PRIM2: variants seen among roughly 807,000 people sequenced by gnomAD.
PRIM2 encodes the protein DNA primase large subunit.
Under a neutral mutation model 67.3 loss-of-function variants are expected in PRIM2, and 39 were observed. That is an observed-to-expected ratio of 0.58 (90% confidence interval 0.45 to 0.76). The LOEUF is 0.76. Among genes scored for constraint, PRIM2 ranks in the 30% least tolerant of loss-of-function variants. The pLI is 0.00. For synonymous variants in PRIM2, 143 were observed against 198.7 expected, an observed-to-expected ratio of 0.72 and a Z score of 2.36; for missense variants, 398 against 598.7, an observed-to-expected ratio of 0.66 and a Z score of 3.50.
intron 10 of PRIM2, among the ~76,000 whole-genome samples, chr6:57,587,721 A>G (rs1776219356): frequency 6.7e-6 from 1 of 149,770 alleles, no homozygotes; most frequent in Non-Finnish European, 1.5e-5. Context: ...ATCACCATGA[A>G]ATATTGCATG....
At chr6:57,571,982 T>C (rs1234742657) in intron 10 of PRIM2, among the ~76,000 whole-genome samples, 1 of 152,224 alleles carries the variant, frequency 6.6e-6, no homozygotes, top group Non-Finnish European at 1.5e-5. Context: ...ATGTGTTAAA[T>C]ACTTACCATC....
chr6:57,486,479 A>G (rs1773755659), intron 7 of PRIM2, among the ~76,000 whole-genome samples: 1 of 152,244 alleles, frequency 6.6e-6, no homozygotes, highest in Admixed American at 6.5e-5. Flanking sequence ...GGAGGCAGGA[A>G]GACCACGGAA....
chr6:57,244,685 C>T, the PRIM2 span, among the ~76,000 whole-genome samples: 36 of 151,600 alleles, frequency 2.4e-4, no homozygotes, highest in East Asian at 5.8e-3. Flanking sequence ...CGCTTGAACC[C>T]GAGTGGCAGG....
the PRIM2 span, among the ~76,000 whole-genome samples, chr6:57,233,657 C>T: frequency 2.1e-5 from 3 of 139,702 alleles, no homozygotes; most frequent in African/African-American, 5.3e-5. Flanking sequence ...CTTCCTCCCT[C>T]CCTCCCTCCC....
At chr6:57,452,248 G>A (rs1481299647) in intron 7 of PRIM2, among the ~76,000 whole-genome samples, 3 of 152,132 alleles carry the variant, frequency 2.0e-5, no homozygotes, top group East Asian at 1.9e-4. Flanking sequence ...AAACATATGT[G>A]TGCATGTGTC....
intron 5 of PRIM2, among the ~76,000 whole-genome samples, chr6:57,371,077 A>G (rs1440936056): frequency 2.0e-5 from 3 of 150,666 alleles, no homozygotes; most frequent in Non-Finnish European, 4.4e-5. Flanking sequence ...GATTTCAATG[A>G]GAAGAAATAT....
intron 5 of PRIM2, among the ~76,000 whole-genome samples, chr6:57,336,273 G>A (rs915378615): frequency 6.6e-6 from 1 of 152,080 alleles, no homozygotes; most frequent in Non-Finnish European, 1.5e-5. Context: ...GAACCAAGTT[G>A]GAAAACACTC....
At chr6:57,583,282 C>G (rs1279013800) in intron 10 of PRIM2, among the ~76,000 whole-genome samples, 1 of 147,358 alleles carries the variant, frequency 6.8e-6, no homozygotes, top group East Asian at 2.1e-4. Flanking sequence ...CACCCACTAA[C>G]TCGTCATCTA....
At chr6:57,504,548 C>A (rs1774214972) in intron 7 of PRIM2, among the ~76,000 whole-genome samples, 1 of 152,138 alleles carries the variant, frequency 6.6e-6, no homozygotes, top group Non-Finnish European at 1.5e-5. Flanking sequence ...GAGAAATAGG[C>A]TATAAGTTAT....
At chr6:57,272,317 G>C in the PRIM2 span, among the ~76,000 whole-genome samples, 1 of 152,122 alleles carries the variant, frequency 6.6e-6, no homozygotes, top group African/African-American at 2.4e-5. Flanking sequence ...CTCCTGTATT[G>C]GGTGCATATA....
intron 12 of PRIM2, among the ~76,000 whole-genome samples, chr6:57,629,392 GT>G: frequency 1.3e-5 from 2 of 152,260 alleles, no homozygotes; most frequent in South Asian, 4.1e-4. Flanking sequence ...TATATGATAG[GT>G]TTGTTTTTCA....
chr6:57,336,869 T>C lies in PRIM2; in HGVS notation c.459+10824T>C, dbSNP rs376759224. Among the ~76,000 whole-genome samples, 857 of 152,256 alleles carry C rather than the reference T, an allele frequency of 5.6e-3. 5 individuals are homozygous for C. The highest frequency in any genetic ancestry group is 9.2e-3 in the Non-Finnish European group (625 of 67,994). On this transcript the variant is annotated intron_variant, in intron 5 of 13. Transcript: ENST00000615550. Reference sequence around the variant, plus strand: ...AATTCACACATAACAATATTAACTTTAAATGTAAATGGACTAAATGCTCCA... The same window carrying C: ...AATTCACACATAACAATATTAACTTCAAATGTAAATGGACTAAATGCTCCA...
At chr6:57,320,296 A>G (rs1439520045) in intron 2 of PRIM2, among the ~76,000 whole-genome samples, 161 bp from the exon 3 acceptor site, 2 of 152,214 alleles carry the variant, frequency 1.3e-5, no homozygotes, top group African/African-American at 4.8e-5. Context: ...TTATCCTCTT[A>G]TAAGCATATG....
At chr6:57,583,148 T>C (rs1776128071) in intron 10 of PRIM2, among the ~76,000 whole-genome samples, 1 of 149,504 alleles carries the variant, frequency 6.7e-6, no homozygotes, top group African/African-American at 2.5e-5. Context: ...TAGTATTCCA[T>C]GGTGTATATG....
intron 7 of PRIM2, among the ~76,000 whole-genome samples, chr6:57,504,174 T>C (rs1774204082): frequency 6.6e-6 from 1 of 152,220 alleles, no homozygotes; most frequent in Non-Finnish European, 1.5e-5. Context: ...TTGTCTCTTG[T>C]ACTTTGAACG....
intron 7 of PRIM2, among the ~76,000 whole-genome samples, chr6:57,482,809 CAA>C (rs1773662667): frequency 6.6e-6 from 1 of 152,088 alleles, no homozygotes. Context: ...TTTATAGACT[CAA>C]GAGGGAAGTA....
At chr6:57,254,616 T>C in the PRIM2 span, among the ~76,000 whole-genome samples, 1 of 152,174 alleles carries the variant, frequency 6.6e-6, no homozygotes, top group Admixed American at 6.5e-5. Flanking sequence ...GGCCTTGAAG[T>C]GTGACAAGAT....
chr6:57,335,970 A>G (rs976789689), intron 5 of PRIM2, among the ~76,000 whole-genome samples: 9 of 152,224 alleles, frequency 5.9e-5, no homozygotes, highest in African/African-American at 2.2e-4. Flanking sequence ...AAAAAAATTT[A>G]GAAGAATGTA....
the PRIM2 span, among the ~76,000 whole-genome samples, chr6:57,234,239 AATT>A: frequency 6.6e-6 from 1 of 152,182 alleles, no homozygotes; most frequent in African/African-American, 2.4e-5. Flanking sequence ...GAGCAAAAAC[AATT>A]AAAAATAGAT....
Sources: gnomAD v4.1 joint callset for allele counts (sites outside exome capture counted in the v4.1 genomes callset) on GRCh38, gnomAD v4.1.1 for gene constraint, MANE v1.5 for transcripts, NCBI Gene and HGNC (gene_info 2026-07-23, HGNC 2026-07-21) for gene names.